The following TESK2 variants were observed in gnomAD, a reference collection of about 807,000 sequenced individuals.
TESK2 encodes dual specificity testis-specific protein kinase 2.
TESK2 carries 39 observed loss-of-function variants against 57.1 expected under a neutral mutation model. The observed-to-expected ratio is 0.68, with a 90% CI of 0.53 to 0.89. The LOEUF (loss-of-function observed/expected upper bound fraction) is 0.89. Among genes scored for constraint, TESK2 ranks in the 40% least tolerant of loss-of-function variants. TESK2 has a pLI of 0.00. For synonymous variants in TESK2, 249 were observed against 267.9 expected (o/e 0.93, Z 0.69); for missense variants, 646 against 732.1 (o/e 0.88, Z 1.36).
At chr1:45,432,072 C>T (rs940600557) in intron 2 of TESK2, among the ~76,000 whole-genome samples, 1 of 151,794 alleles carries the variant, frequency 6.6e-6, no homozygotes, top group African/African-American at 2.4e-5. Flanking sequence ...ATGGTGAAAC[C>T]CCATCTCTAC....
At chr1:45,368,444 A>G (rs1486854236) in intron 4 of TESK2, among the ~76,000 whole-genome samples, 4 of 147,942 alleles carry the variant, frequency 2.7e-5, no homozygotes, top group Admixed American at 6.8e-5. Flanking sequence ...GCGCAATCTC[A>G]GCTCACTGCA....
At chr1:45,490,080 C>A (rs572042340) in intron 1 of TESK2, among the ~76,000 whole-genome samples, 1 of 152,312 alleles carries the variant, frequency 6.6e-6, no homozygotes, top group African/African-American at 2.4e-5. Context: ...CCTACCTGGC[C>A]TTTCCGCCTC....
In TESK2 at chr1:45,345,455, G is replaced by A. The variant is rs769758182; in HGVS notation, c.1101C>T (p.Ser367=). The change falls in exon 11 of 11, where the codon AGC becomes AGT. Residue 367 remains serine (S), a synonymous_variant. Transcript: ENST00000372086. ...CPRRTIWLSR[S]QSDIFSRKPP... ...GCTTACGGGAAAAGATATCTGACTG[G>A]CTTCGAGACAGCCAGATGGTACGTC... 1.1e-5 allele frequency: 17 copies of A among 1,614,112 alleles called. No homozygotes were observed. In the South Asian group the frequency reaches 1.9e-4, roughly 18 times the overall value.
chr1:45,490,487 C>CT (rs1474688488), intron 1 of TESK2, among the ~76,000 whole-genome samples: 3 of 152,034 alleles, frequency 2.0e-5, no homozygotes, highest in Non-Finnish European at 2.9e-5. Flanking sequence ...ACCCAGATCT[C>CT]TGAGGCAGGA....
chr1:45,436,678 G>A (rs1269391605), intron 2 of TESK2, among the ~76,000 whole-genome samples: 4 of 151,366 alleles, frequency 2.6e-5, no homozygotes, highest in Admixed American at 6.6e-5. Flanking sequence ...AGTAGAGACA[G>A]GTTTTCTCCA....
intron 1 of TESK2, among the ~76,000 whole-genome samples, chr1:45,471,506 A>G (rs879860128): frequency 6.6e-6 from 1 of 151,736 alleles, no homozygotes; most frequent in Non-Finnish European, 1.5e-5. Context: ...CCCGGGTTCA[A>G]GCGATTCTCC....
In TESK2 at chr1:45,345,249, C is replaced by G. The variant is rs369028073; in HGVS notation, c.1307G>C (p.Gly436Ala). 7.4e-6 allele frequency: 12 copies of G among 1,614,074 alleles called. No homozygotes were observed. In the African/African-American group the frequency reaches 1.3e-4, roughly 18 times the overall value. The change falls in exon 11 of 11, where the codon GGA (glycine) becomes GCA (alanine). Residue 436 changes from glycine (G) to alanine (A), a missense_variant. Gly to Ala is a moderately conservative substitution (Grantham distance 60, BLOSUM62 0). Coordinates refer to ENST00000372086, the MANE Select transcript of TESK2 (RefSeq NM_007170.3). The stretch of plus-strand genomic sequence containing the variant: ...CTGCCAGTCAGCCAGGGGCATAGTT[C>G]CGGGCCCTGGTGCATCCAGGTCAAA... ...LVFDLDAPGPGTMPLADWQEP... is the reference protein window; with the variant it reads ...LVFDLDAPGPATMPLADWQEP...
chr1:45,485,483 A>G (rs12038608), intron 1 of TESK2, among the ~76,000 whole-genome samples: 109,486 of 149,266 alleles, frequency 0.73, 40,473 homozygotes, highest in East Asian at 0.92. Flanking sequence ...CACCGCGCCC[A>G]GCCGACTTTT....
intron 4 of TESK2, among the ~76,000 whole-genome samples, chr1:45,380,985 G>A (rs1648630803): frequency 6.6e-6 from 1 of 152,198 alleles, no homozygotes; most frequent in Non-Finnish European, 1.5e-5. Flanking sequence ...AATAGACTTT[G>A]AAGTCAGATG....
chr1:45,353,421 C>A (rs1487708760), intron 5 of TESK2, among the ~76,000 whole-genome samples: 1 of 152,210 alleles, frequency 6.6e-6, no homozygotes, highest in African/African-American at 2.4e-5. Flanking sequence ...ACAAATGACT[C>A]TGCCACACAC....
At chr1:45,455,419 T>C (rs942545377) in intron 2 of TESK2, among the ~76,000 whole-genome samples, 11 of 152,180 alleles carry the variant, frequency 7.2e-5, no homozygotes, top group Non-Finnish European at 8.8e-5. Context: ...TTCGGCCCAC[T>C]TCAAAACCCT....
intron 3 of TESK2, chr1:45,414,936 C>T (rs1269505116): frequency 6.1e-6 from 3 of 494,330 alleles, no homozygotes; most frequent in South Asian, 2.0e-5. Context: ...AGGCACTCAA[C>T]AAGTGTTTAG....
At chr1:45,360,782 A>T (rs1427942766) in intron 4 of TESK2, among the ~76,000 whole-genome samples, 2 of 152,232 alleles carry the variant, frequency 1.3e-5, no homozygotes, top group Non-Finnish European at 2.9e-5. Context: ...CTCTGCATGC[A>T]TAAGAAAAGG....
Position 45,345,043 on chromosome 1 carries a change from G to A in TESK2, c.1513C>T (p.Pro505Ser). The A allele has an allele frequency of 6.2e-7, 1 of 1,614,258 alleles. No homozygotes were observed. Among genetic ancestry groups the A allele is most frequent in the Non-Finnish European group, 8.5e-7 (1 of 1,180,050 alleles). Residue 505 changes from proline to serine, a missense_variant, in exon 11 of 11, where the codon CCA (proline) becomes TCA (serine). Pro to Ser is a moderately conservative substitution (Grantham distance 74). Coordinates refer to ENST00000372086, the MANE Select transcript of TESK2 (RefSeq NM_007170.3). The stretch of plus-strand genomic sequence containing the variant: ...ATAGCCTCATGGGCTTGAGCAGCTG[G>A]TAGGGCAGATGCCCGGAATGGTGGG... ...EIPPFRASAL[P>S]AAQAHEAMDC...
chr1:45,359,898 G>T (rs928635416), intron 4 of TESK2, among the ~76,000 whole-genome samples: 1 of 151,872 alleles, frequency 6.6e-6, no homozygotes. Context: ...ATGTGAAAGC[G>T]CTTCGAAAAA....
intron 1 of TESK2, among the ~76,000 whole-genome samples, chr1:45,488,561 G>C (rs1236567190): frequency 6.6e-6 from 1 of 152,188 alleles, no homozygotes; most frequent in Non-Finnish European, 1.5e-5. Flanking sequence ...ACAGGTTTCA[G>C]AACTAGACAT....
chr1:45,380,165 G>A (rs1399598224), intron 4 of TESK2, among the ~76,000 whole-genome samples: 3 of 152,168 alleles, frequency 2.0e-5, no homozygotes, highest in African/African-American at 7.2e-5. Context: ...CTCCCAAAGT[G>A]TTGGGATTAC....
chr1:45,449,529 T>C (rs1651789797), intron 2 of TESK2, among the ~76,000 whole-genome samples: 1 of 152,176 alleles, frequency 6.6e-6, no homozygotes, highest in Admixed American at 6.6e-5. Context: ...GAATGAGCTA[T>C]TAAGCCATGA....
At chr1:45,404,496 C>A (rs1223677120) in intron 3 of TESK2, among the ~76,000 whole-genome samples, 1 of 151,920 alleles carries the variant, frequency 6.6e-6, no homozygotes, top group African/African-American at 2.4e-5. Context: ...GAGCTTATCT[C>A]ATTTAATCCT....
Sources: gnomAD v4.1 joint callset for allele counts (sites outside exome capture counted in the v4.1 genomes callset) on GRCh38, gnomAD v4.1.1 for gene constraint, MANE v1.5 for transcripts, NCBI Gene and HGNC (gene_info 2026-07-23, HGNC 2026-07-21) for gene names.